NOL4: variants seen among roughly 807,000 people sequenced by gnomAD.
NOL4 encodes nucleolar protein 4.
Under a neutral mutation model 75.9 loss-of-function variants are expected in NOL4, and 17 were observed. That is an observed-to-expected ratio of 0.22 (90% CI 0.15 to 0.34). The LOEUF is 0.34. NOL4 is among the 10% of genes least tolerant of loss of function. The pLI is 1.00. For missense variants in NOL4, 614 were observed against 793.5 expected, an observed-to-expected ratio of 0.77 and a Z score of 2.72; for synonymous variants, 292 against 289.9, an observed-to-expected ratio of 1.01 and a Z score of -0.07.
chr18:33,917,089 A>G (rs545655996), intron 9 of NOL4, among the ~76,000 whole-genome samples: 1 of 152,294 alleles, frequency 6.6e-6, no homozygotes, highest in African/African-American at 2.4e-5. Context: ...TTTTATTACA[A>G]CTATCAGCAA....
intron 6 of NOL4, among the ~76,000 whole-genome samples, chr18:33,965,054 T>C (rs1285741429): frequency 2.0e-5 from 3 of 152,114 alleles, no homozygotes; most frequent in South Asian, 2.1e-4. Flanking sequence ...TATAGTAACA[T>C]GGAATTATTA....
At chr18:33,884,096 A>AT (rs2064485296) in intron 9 of NOL4, among the ~76,000 whole-genome samples, 1 of 152,122 alleles carries the variant, frequency 6.6e-6, no homozygotes, top group Non-Finnish European at 1.5e-5. Flanking sequence ...TGGAAGGGTA[A>AT]TTTTTATGTT....
chr18:34,123,532 C>CATATAT (rs34954122), intron 2 of NOL4, among the ~76,000 whole-genome samples: 2,080 of 129,254 alleles, frequency 0.016, 21 homozygotes, highest in African/African-American at 0.021. Flanking sequence ...ATGTGATAAC[C>CATATAT]ATATATATAT....
chr18:34,136,991 T>G (rs975907766), intron 1 of NOL4, among the ~76,000 whole-genome samples: 2 of 152,092 alleles, frequency 1.3e-5, no homozygotes, highest in Non-Finnish European at 2.9e-5. Flanking sequence ...AAATTGAGAC[T>G]TCAGAAATAA....
chr18:34,159,446 G>A (rs1433162381), intron 1 of NOL4, among the ~76,000 whole-genome samples: 1 of 152,108 alleles, frequency 6.6e-6, no homozygotes, highest in African/African-American at 2.4e-5. Context: ...CAGGAGACGC[G>A]GGCTCGAAGC....
At chr18:34,222,903 GCTCCCCCTCT>G in intron 1 of NOL4, 77 bp downstream of exon 1, 1 of 1,531,384 alleles carries the variant, frequency 6.5e-7, no homozygotes, top group Admixed American at 1.8e-5. Flanking sequence ...GCGGCTCACG[GCTCCCCCTCT>G]CTCCCGCCTC....
chr18:34,003,297 C>A (rs530967185), intron 6 of NOL4, among the ~76,000 whole-genome samples: 15 of 152,012 alleles, frequency 9.9e-5, no homozygotes, highest in Non-Finnish European at 4.4e-5. Flanking sequence ...GTAGCTGTCT[C>A]ACTCAATAGA....
At chr18:34,027,410 C>A (rs2075400912) in intron 5 of NOL4, among the ~76,000 whole-genome samples, 1 of 152,176 alleles carries the variant, frequency 6.6e-6, no homozygotes, top group African/African-American at 2.4e-5. Flanking sequence ...GTAGGAGAAA[C>A]AACCCTCCAA....
intron 1 of NOL4, among the ~76,000 whole-genome samples, chr18:34,148,453 G>T (rs753529435): frequency 6.6e-5 from 10 of 151,996 alleles, no homozygotes; most frequent in Non-Finnish European, 1.3e-4. Flanking sequence ...ACTTATTTCT[G>T]CCTTAATTTC....
intron 6 of NOL4, among the ~76,000 whole-genome samples, chr18:33,998,689 C>T (rs1284282563): frequency 6.6e-6 from 1 of 152,032 alleles, no homozygotes; most frequent in African/African-American, 2.4e-5. Context: ...GTTAGTGTTT[C>T]AGTAATGAGG....
At chr18:34,180,606 T>C (rs990516983) in intron 1 of NOL4, among the ~76,000 whole-genome samples, 11 of 151,410 alleles carry the variant, frequency 7.3e-5, no homozygotes, top group Non-Finnish European at 8.9e-5. Context: ...TAGTGGAGAT[T>C]CTAGCTAAGA....
chr18:33,904,539 C>G (rs1304002566), intron 9 of NOL4, among the ~76,000 whole-genome samples: 3 of 152,036 alleles, frequency 2.0e-5, no homozygotes, highest in African/African-American at 7.2e-5. Context: ...ACTAACAGAA[C>G]AAACTCTTTG....
At chr18:34,017,155 T>C (rs2074743611) in intron 6 of NOL4, among the ~76,000 whole-genome samples, 1 of 152,148 alleles carries the variant, frequency 6.6e-6, no homozygotes, top group Non-Finnish European at 1.5e-5. Flanking sequence ...ATTTTGACTC[T>C]TACTTCAAAT....
intron 9 of NOL4, among the ~76,000 whole-genome samples, chr18:33,884,263 T>C (rs1430946834): frequency 6.6e-6 from 1 of 152,128 alleles, no homozygotes; most frequent in Non-Finnish European, 1.5e-5. Context: ...TTCCTCTGTG[T>C]ATGTGTGTGT....
chr18:34,119,082 T>TAA (rs1201332548), intron 2 of NOL4, among the ~76,000 whole-genome samples: 1 of 152,212 alleles, frequency 6.6e-6, no homozygotes, highest in Non-Finnish European at 1.5e-5. Context: ...AAAAAGGCTT[T>TAA]AATCAGGACT....
intron 9 of NOL4, among the ~76,000 whole-genome samples, chr18:33,885,161 T>TA (rs1358809357): frequency 3.3e-5 from 5 of 151,626 alleles, no homozygotes; most frequent in East Asian, 1.9e-4. Context: ...TTACTTTTTT[T>TA]AAAAAAAATC....
chr18:34,132,627 T>C (rs2080705487), intron 1 of NOL4, among the ~76,000 whole-genome samples: 1 of 151,556 alleles, frequency 6.6e-6, no homozygotes, highest in African/African-American at 2.4e-5. Context: ...ACCATATAAA[T>C]CAGCCAAATA....
At chr18:33,865,725 G>T (rs573354969) in intron 10 of NOL4, among the ~76,000 whole-genome samples, 12 of 152,184 alleles carry the variant, frequency 7.9e-5, no homozygotes, top group African/African-American at 2.9e-4. Flanking sequence ...ACTACAGTTT[G>T]GTGGTAACTA....
chr18:33,889,445 T>A (rs553869301), intron 9 of NOL4, among the ~76,000 whole-genome samples: 6 of 152,198 alleles, frequency 3.9e-5, no homozygotes, highest in Admixed American at 3.3e-4. Flanking sequence ...CTGGTAGGAA[T>A]TCTACCAGAG....
Sources: gnomAD v4.1 joint callset for allele counts (sites outside exome capture counted in the v4.1 genomes callset) on GRCh38, gnomAD v4.1.1 for gene constraint, MANE v1.5 for transcripts, NCBI Gene and HGNC (gene_info 2026-07-23, HGNC 2026-07-21) for gene names.